Variants in RCHY1 observed in about 807,000 individuals in gnomAD.
The protein encoded by RCHY1 is ring finger and CHY zinc finger domain containing 1.
A neutral mutation model predicts 41.6 loss-of-function variants in RCHY1; 21 were observed. That is an observed-to-expected ratio of 0.51 (90% CI 0.36 to 0.73). The LOEUF is 0.73. Ranked by LOEUF, RCHY1 falls within the 30% of genes least tolerant of loss-of-function variation. The pLI, the probability that RCHY1 is intolerant of heterozygous loss-of-function variation, is 0.00. For missense variants in RCHY1, 265 were observed against 325.3 expected (o/e 0.81, Z 1.43); for synonymous variants, 79 against 102.9 (o/e 0.77, Z 1.41).
chr4:75,508,216 A>G (rs1724516402), intron 3 of RCHY1, among the ~76,000 whole-genome samples: 1 of 152,158 alleles, frequency 6.6e-6, no homozygotes, highest in African/African-American at 2.4e-5. Context: ...CAGTATTGGT[A>G]ACATTCCTTT....
intron 8 of RCHY1, among the ~76,000 whole-genome samples, chr4:75,483,063 C>T (rs371946175): frequency 6.6e-6 from 1 of 152,040 alleles, no homozygotes; most frequent in African/African-American, 2.4e-5. Context: ...AAAATTTTTA[C>T]ACAAATAATA....
At chr4:75,499,840 T>C (rs935028908) in intron 3 of RCHY1, among the ~76,000 whole-genome samples, 1 of 152,166 alleles carries the variant, frequency 6.6e-6, no homozygotes, top group African/African-American at 2.4e-5. Flanking sequence ...TTAGAAGAAA[T>C]AAGCCCTGGT....
intron 1 of RCHY1, among the ~76,000 whole-genome samples, chr4:75,511,844 T>C (rs992215042): frequency 6.6e-6 from 1 of 151,130 alleles, no homozygotes; most frequent in African/African-American, 2.4e-5. Flanking sequence ...TTAGTGTTCA[T>C]AGAAAGTAGT....
At chr4:75,488,835 G>C (rs2148721328) in intron 8 of RCHY1, among the ~76,000 whole-genome samples, 1 of 152,214 alleles carries the variant, frequency 6.6e-6, no homozygotes, top group Admixed American at 6.5e-5. Context: ...CCAGCACTTT[G>C]GGAGACCGAG....
chr4:75,491,634 C>G lies in RCHY1; in HGVS notation c.513G>C (p.Thr171=), dbSNP rs753197072. The change falls in exon 7 of 9, where the codon ACG becomes ACC. Residue 171 remains threonine (T), a synonymous_variant. Coordinates refer to ENST00000324439, the MANE Select transcript of RCHY1 (RefSeq NM_015436.4). Reference sequence around the variant, plus strand: ...ACTCTTTCAACATTTCTTCATAACACGTTCTGAAAGAAAATATAAGATTAT... The same window carrying G: ...ACTCTTTCAACATTTCTTCATAACAGGTTCTGAAAGAAAATATAAGATTAT... ...VLPCGHLLHR[T]CYEEMLKEGY... is the part of the protein sequence containing the mutation. 1 of 1,597,660 alleles carries G rather than the reference C, an allele frequency of 6.3e-7. No homozygotes were observed. Among genetic ancestry groups the G allele is most frequent in the Non-Finnish European group, 8.6e-7 (1 of 1,166,442 alleles).
chr4:75,514,563 G>A, upstream of RCHY1: 2 of 338,686 alleles, frequency 5.9e-6, no homozygotes, highest in Middle Eastern at 7.8e-4. Context: ...ATCGCTACCC[G>A]CCCAAATCTC....
intron 3 of RCHY1, among the ~76,000 whole-genome samples, chr4:75,496,834 C>G (rs895844899): frequency 6.6e-6 from 1 of 151,954 alleles, no homozygotes; most frequent in Admixed American, 6.6e-5. Flanking sequence ...GATATCCAAC[C>G]CACAATAACC....
Position 75,511,791 on chromosome 4 carries a change from A to C in RCHY1, c.90+2406T>G, listed in dbSNP as rs1467652626. Among the ~76,000 whole-genome samples the C allele has an allele frequency of 2.0e-5, 3 of 151,942 alleles. No homozygotes were observed. The East Asian group carries it at 5.8e-4, about 29-fold the overall frequency. On this transcript the variant is annotated intron_variant, in intron 1 of 8. Transcript: ENST00000324439. Reference sequence around the variant, plus strand: ...TACTAAACAGTGCTTTTCCACCATCAATGCGTGTGTCAACAGACTGAAAAA... The same window carrying C: ...TACTAAACAGTGCTTTTCCACCATCCATGCGTGTGTCAACAGACTGAAAAA...
intron 8 of RCHY1, among the ~76,000 whole-genome samples, chr4:75,485,070 C>T (rs1721870616): frequency 6.6e-6 from 1 of 152,162 alleles, no homozygotes; most frequent in East Asian, 1.9e-4. Flanking sequence ...TACTATACTG[C>T]CCTGAAGGCT....
chr4:75,514,660 T>G, upstream of RCHY1: 2 of 182,490 alleles, frequency 1.1e-5, no homozygotes, highest in East Asian at 1.4e-4. Context: ...GGCGCATCGT[T>G]ACCTGTGACG....
chr4:75,504,843 C>T (rs975947643), intron 3 of RCHY1, among the ~76,000 whole-genome samples: 4 of 152,148 alleles, frequency 2.6e-5, no homozygotes, highest in Non-Finnish European at 5.9e-5. Flanking sequence ...ACATTATTCA[C>T]AAAAGGGCTT....
intron 3 of RCHY1, among the ~76,000 whole-genome samples, chr4:75,507,480 A>G (rs1423608876): frequency 6.6e-6 from 1 of 152,130 alleles, no homozygotes; most frequent in Non-Finnish European, 1.5e-5. Context: ...CCAAAACTGT[A>G]GATTGAAACA....
chr4:75,508,830 C>G lies in RCHY1; in HGVS notation c.316G>C (p.Gly106Arg). ...DKKQYHCENC[G>R]ICRIGPKEDF... ...CTTTACATACAGTACCTACAAATTC[C>G]ACAGTTTTCACAGTGATACTGCTTC... is the stretch of plus-strand genomic sequence containing the variant. Residue 106 changes from glycine (G) to arginine (R), a missense_variant, in exon 3 of 9, where the codon GGA becomes CGA. Physicochemically the swap from Gly to Arg is moderately radical, Grantham distance 125. Transcript: ENST00000324439. The G allele has an allele frequency of 6.3e-7, 1 of 1,591,280 alleles. No individual in the cohort carries two copies. Among genetic ancestry groups the G allele is most frequent in the Non-Finnish European group, 8.6e-7 (1 of 1,165,926 alleles).
chr4:75,496,818 A>T (rs1484822969), intron 3 of RCHY1, among the ~76,000 whole-genome samples: 11 of 152,164 alleles, frequency 7.2e-5, no homozygotes, highest in Admixed American at 7.2e-4. Flanking sequence ...AAGAAAAATC[A>T]CATCTGATAT....
intron 3 of RCHY1, among the ~76,000 whole-genome samples, chr4:75,495,327 A>G (rs1475052398): frequency 1.3e-5 from 2 of 151,734 alleles, no homozygotes. Flanking sequence ...TCATTTTTAT[A>G]TTTTTCTTTA....
At chr4:75,513,541 G>A (rs1054813159) in intron 1 of RCHY1, among the ~76,000 whole-genome samples, 2 of 152,020 alleles carry the variant, frequency 1.3e-5, no homozygotes, top group African/African-American at 4.8e-5. Context: ...AGTTTTCTAA[G>A]CAAAATTTTT....
At position 75,514,215 on chromosome 4, in the gene RCHY1, G is replaced by A. The variant is rs1251635227; in HGVS notation, c.72C>T (p.Asp24=). 3 of 1,612,804 alleles carry A rather than the reference G, an allele frequency of 1.9e-6. No homozygotes were observed. Among genetic ancestry groups the A allele is most frequent in the Non-Finnish European group, 1.7e-6 (2 of 1,178,966 alleles). Residue 24 remains aspartate (D), a synonymous_variant, in exon 1 of 9, where the codon GAC becomes GAT. Coordinates refer to ENST00000324439, the MANE Select transcript of RCHY1 (RefSeq NM_015436.4). ...GCGTCACCTTTAGGAGACATCCTCT[G>A]TCATAGTGCTCGCAGCCCCGCTGAC... ...ERGQRGCEHY[D]RGCLLKAPCC... is the part of the protein sequence containing the mutation.
chr4:75,490,863 A>G (rs1722684276), intron 7 of RCHY1, 162 bp from the exon 8 acceptor site: 1 of 521,688 alleles, frequency 1.9e-6, no homozygotes, highest in Non-Finnish European at 3.3e-6. Flanking sequence ...CACACTATAA[A>G]ACTTTTAAAT....
intron 3 of RCHY1, 70 bp from the exon 4 acceptor site, chr4:75,494,249 A>C (rs1722986763): frequency 9.0e-7 from 1 of 1,115,178 alleles, no homozygotes; most frequent in Admixed American, 2.5e-5. Flanking sequence ...TCATTATGTA[A>C]AACACAAGTT....
Sources: gnomAD v4.1 joint callset for allele counts (sites outside exome capture counted in the v4.1 genomes callset) on GRCh38, gnomAD v4.1.1 for gene constraint, MANE v1.5 for transcripts, NCBI Gene and HGNC (gene_info 2026-07-23, HGNC 2026-07-21) for gene names.